Variants in CEP72 observed in about 807,000 individuals in gnomAD.
The protein encoded by CEP72 is centrosomal protein of 72 kDa.
CEP72 carries 78 observed loss-of-function variants against 65.7 expected under a neutral mutation model. That is an observed-to-expected ratio of 1.19 (90% confidence interval 0.99 to 1.43). The LOEUF (loss-of-function observed/expected upper bound fraction) is 1.43, where lower values mean the gene tolerates loss of function less well. CEP72 is among the 40% of genes most tolerant of loss of function. The probability of loss-of-function intolerance (pLI) is 0.00; values close to 1 mark genes in which losing one functional copy is unlikely to be tolerated. For missense variants in CEP72, 914 were observed against 832.9 expected (o/e 1.10, Z -1.20); for synonymous variants, 358 against 351.7 (o/e 1.02, Z -0.20).
rs1226198113 is a variant in CEP72 at position 623,384 on chromosome 5, G to A, written c.404-1087G>A. On this transcript the variant is annotated intron_variant, in intron 3 of 11. Transcript: ENST00000264935. The surrounding 1 kb of genome is among the most constrained non-coding windows in gnomAD (Gnocchi z 5.3). ...CTTGGCTCCGCGTGGGTCATGGAAA[G>A]GCCCCGGTGGTGGAGGAGGCAGATA... Among the ~76,000 whole-genome samples the A allele has an allele frequency of 6.6e-6, 1 of 152,252 alleles. No individual in the cohort carries two copies. The highest frequency in any genetic ancestry group is 1.9e-4 in the East Asian group (1 of 5,200).
chr5:667,873 C>G (rs1281328829), downstream of CEP72, among the ~76,000 whole-genome samples: 4 of 108,112 alleles, frequency 3.7e-5, no homozygotes, highest in Non-Finnish European at 5.4e-5. Context: ...GAAGTACCGA[C>G]AAGCACACAG....
Position 617,353 on chromosome 5 carries a change from A to C in CEP72, c.83-1637A>C, listed in dbSNP as rs564320241. ...CCTCTCCATGTTGCCTGGAACTGGA[A>C]GAGCTCAAACCAAATTTTAAACTTA... is the stretch of plus-strand genomic sequence containing the variant. On this transcript the variant is annotated intron_variant, in intron 1 of 11. Transcript: ENST00000264935. Among the ~76,000 whole-genome samples, 5 of 152,290 alleles carry C rather than the reference A, an allele frequency of 3.3e-5. No individual in the cohort carries two copies. The East Asian group carries it at 9.6e-4, about 29-fold the overall frequency.
rs574219306 is a variant in CEP72, at chr5:620,112, A to G, written c.254A>G (p.Tyr85Cys). ...LTALESLNLYYNCISSLAEVF... is the reference protein window; with the variant it reads ...LTALESLNLYCNCISSLAEVF... The stretch of plus-strand genomic sequence containing the variant: ...GCATTGGAGAGTCTCAATCTCTACT[A>G]CAACTGCATCTCCTCGTTGGCAGAA... The change falls in exon 3 of 12, where the codon TAC (tyrosine) becomes TGC (cysteine). Residue 85 changes from tyrosine to cysteine, a missense_variant. Transcript: ENST00000264935. The G allele has an allele frequency of 5.6e-6, 9 of 1,614,062 alleles. No individual in the cohort carries two copies. The African/African-American group carries it at 6.7e-5, about 12-fold the overall frequency.
At position 644,436 on chromosome 5, in the gene CEP72, C is replaced by T. The variant is rs73734345; in HGVS notation, c.1666+11C>T. 1.8e-3 allele frequency: 2,871 copies of T among 1,612,996 alleles called. 47 individuals are homozygous for T. The African/African-American group carries it at 0.034, about 19-fold the overall frequency. On this transcript the variant is annotated intron_variant, in intron 10 of 11. Coordinates refer to ENST00000264935, the MANE Select transcript of CEP72 (RefSeq NM_018140.4). Reference sequence around the variant, plus strand: ...ATTTGCAGATCGCTGGTAAGTTGATCGTGTATTTGGTCACTTTGTAAACTT... The same window carrying T: ...ATTTGCAGATCGCTGGTAAGTTGATTGTGTATTTGGTCACTTTGTAAACTT...
At chr5:671,728 G>A (rs940589963), downstream of CEP72, among the ~76,000 whole-genome samples, 1 of 152,242 alleles carries the variant, frequency 6.6e-6, no homozygotes, top group Non-Finnish European at 1.5e-5. Context: ...CCACTCTGCG[G>A]AAGCCACGTT....
At chr5:648,497 TGACTGTGAGGTGTG>T (rs1738588729) in intron 11 of CEP72, among the ~76,000 whole-genome samples, 5 of 137,110 alleles carry the variant, frequency 3.6e-5, no homozygotes, top group Admixed American at 2.9e-4. Context: ...CTGTGAGGTG[TGACTGTGAGGTGTG>T]GACTGTGAGG....
chr5:666,815 G>C (rs1201926197), intron 4 of CEP72: 1 of 152,226 alleles, frequency 6.6e-6, no homozygotes, highest in Non-Finnish European at 1.5e-5. Context: ...CTGACTCTTG[G>C]TTTTTATATA....
intron 6 of CEP72, 139 bp from the exon 7 acceptor site, chr5:637,378 G>C: frequency 2.8e-6 from 2 of 706,094 alleles, no homozygotes; most frequent in Non-Finnish European, 4.9e-6. Context: ...GGATAGGTGT[G>C]CGTGTACATA....
intron 9 of CEP72, chr5:643,544 C>G: frequency 1.0e-6 from 1 of 985,382 alleles, no homozygotes; most frequent in South Asian, 4.7e-5. Context: ...AGCGGCGATA[C>G]CCCCAGCACG....
downstream of CEP72, among the ~76,000 whole-genome samples, chr5:653,956 C>CTG (rs570079952): frequency 0.014 from 2,137 of 150,586 alleles, 20 homozygotes; most frequent in Non-Finnish European, 0.02. Flanking sequence ...TGTGCTAGCT[C>CTG]TGTGTGTGTG....
chr5:640,818 C>T, intron 9 of CEP72: 4 of 985,454 alleles, frequency 4.1e-6, no homozygotes, highest in South Asian at 4.7e-5. Context: ...ACAGCAGTGG[C>T]GCTGGCCACC....
chr5:617,713 G>T (rs944298627), intron 1 of CEP72, among the ~76,000 whole-genome samples: 2 of 152,128 alleles, frequency 1.3e-5, no homozygotes, highest in Admixed American at 6.5e-5. Flanking sequence ...GAAACGTGGG[G>T]TTTTAGCCGG....
chr5:676,553 C>CACATA, the CEP72 span: 1 of 152,076 alleles, frequency 6.6e-6, no homozygotes, highest in African/African-American at 2.4e-5. Flanking sequence ...TGAAATACAT[C>CACATA]GGCCACAGGA....
rs1477400643 is a variant in CEP72 at position 628,760 on chromosome 5, G to A, written c.512+4181G>A. Among the ~76,000 whole-genome samples, 466 of 140,488 alleles carry A rather than the reference G, an allele frequency of 3.3e-3. 11 individuals carry two copies. Among genetic ancestry groups the A allele is most frequent in the African/African-American group, 0.012 (435 of 36,032 alleles). 92.2% of individuals were successfully genotyped at this position (140,488 alleles called of 152,430 possible). A position where few individuals can be genotyped will look rare whatever the true frequency, so the allele number is the denominator to read the frequency against. ...CTGGAGAACTCAGGTTGCAGTCCCC[G>A]GGGAGTGTTCCCACGACCCAGCCCC... On this transcript the variant is annotated intron_variant, in intron 4 of 11. Coordinates refer to ENST00000264935, the MANE Select transcript of CEP72 (RefSeq NM_018140.4).
At chr5:658,566 C>T (rs1739447558), downstream of CEP72, among the ~76,000 whole-genome samples, 1 of 144,804 alleles carries the variant, frequency 6.9e-6, no homozygotes, top group Non-Finnish European at 1.5e-5. Flanking sequence ...GCTGAAATTA[C>T]AAATAAATAT....
At chr5:637,959 G>C in intron 7 of CEP72, 141 bp downstream of exon 7, 1 of 842,378 alleles carries the variant, frequency 1.2e-6, no homozygotes, top group Non-Finnish European at 1.8e-6. Context: ...GCGGTGCCGT[G>C]ATTACGCCTA....
chr5:661,868 C>T (rs1338881566), downstream of CEP72: 1 of 152,372 alleles, frequency 6.6e-6, no homozygotes, highest in Non-Finnish European at 1.5e-5. Context: ...AGGGTGCTCT[C>T]CTGGCTCCCG....
chr5:644,515 A>G, intron 10 of CEP72, 90 bp downstream of exon 10: 1 of 1,430,750 alleles, frequency 7.0e-7, no homozygotes, highest in South Asian at 1.2e-5. Context: ...CACTGAGGGA[A>G]GTGAGCAGCA....
At chr5:671,872 G>A (rs1019232141), downstream of CEP72, among the ~76,000 whole-genome samples, 1 of 152,228 alleles carries the variant, frequency 6.6e-6, no homozygotes, top group African/African-American at 2.4e-5. Context: ...TGGGTGTGGG[G>A]AGTGCAGCCC....
Sources: gnomAD v4.1 joint callset for allele counts (sites outside exome capture counted in the v4.1 genomes callset) on GRCh38, gnomAD v4.1.1 for gene constraint, Gnocchi (gnomAD v3.1) non-coding constraint, MANE v1.5 for transcripts, NCBI Gene and HGNC (gene_info 2026-07-23, HGNC 2026-07-21) for gene names.